The following GNG7 variants were observed in gnomAD, a reference collection of about 807,000 sequenced individuals.
The protein encoded by GNG7 is guanine nucleotide-binding protein G(I)/G(S)/G(O) subunit gamma-7.
In GNG7, 1 loss-of-function variant was observed where a neutral mutation model predicts 4.0. The observed-to-expected ratio is 0.25, with a 90% CI of 0.09 to 1.18. The LOEUF (loss-of-function observed/expected upper bound fraction) is 1.18, where lower values mean the gene tolerates loss of function less well. GNG7 is among the 50% of genes most tolerant of loss of function. GNG7 has a pLI of 0.50. For synonymous variants in GNG7, 34 were observed against 36.9 expected, an observed-to-expected ratio of 0.92 and a Z score of 0.29; for missense variants, 86 against 91.9, an observed-to-expected ratio of 0.94 and a Z score of 0.26.
chr19:2,681,171 A>G (rs932332063), intron 1 of GNG7, among the ~76,000 whole-genome samples: 1 of 149,188 alleles, frequency 6.7e-6, no homozygotes, highest in African/African-American at 2.5e-5. Flanking sequence ...TTTTTTTTGT[A>G]GCAACCAACT....
At position 2,546,740 on chromosome 19, in the gene GNG7, G is replaced by A. The variant is rs542101247; in HGVS notation, c.-38+8409C>T. Among the ~76,000 whole-genome samples, 15 of 152,334 alleles carry A rather than the reference G, an allele frequency of 9.8e-5. No homozygotes were observed. Among genetic ancestry groups the A allele is most frequent in the African/African-American group, 3.1e-4 (13 of 41,576 alleles). On this transcript the variant is annotated intron_variant, in intron 3 of 4. Transcript: ENST00000382159. The surrounding 1 kb of genome is among the most constrained non-coding windows in gnomAD (Gnocchi z 6.3). Reference sequence around the variant, plus strand: ...ACGCGCCGCCAGTGTGGGTTTGGTCGCCGCGGTGACGGGAGCAGGAGAAAA... The same window carrying A: ...ACGCGCCGCCAGTGTGGGTTTGGTCACCGCGGTGACGGGAGCAGGAGAAAA...
intron 2 of GNG7, among the ~76,000 whole-genome samples, chr19:2,564,887 TTAAAAAA>T (rs1321732621): frequency 3.4e-5 from 1 of 29,288 alleles, no homozygotes; most frequent in African/African-American, 3.1e-4. Flanking sequence ...CATTGGTCAT[TTAAAAAA>T]AAAAAAAAGA....
chr19:2,564,360 C>A (rs929335956), intron 2 of GNG7, among the ~76,000 whole-genome samples: 3 of 152,164 alleles, frequency 2.0e-5, no homozygotes, highest in East Asian at 3.9e-4. Context: ...GCGGGAGGAT[C>A]GCTTGAGGCC....
chr19:2,657,351 AAAAAAAAAAAAT>A (rs1479628623), intron 1 of GNG7, among the ~76,000 whole-genome samples: 3 of 21,874 alleles, frequency 1.4e-4, no homozygotes, highest in African/African-American at 1.9e-4. Context: ...AAAAAAAAAA[AAAAAAAAAAAAT>A]ATATATATAT....
At chr19:2,591,082 C>T (rs926997887) in intron 2 of GNG7, among the ~76,000 whole-genome samples, 10 of 152,140 alleles carry the variant, frequency 6.6e-5, no homozygotes, top group South Asian at 4.1e-4. Flanking sequence ...AAGTTGAGCA[C>T]GATATAAGTA....
chr19:2,696,916 G>A (rs1913280763), intron 1 of GNG7, among the ~76,000 whole-genome samples: 2 of 152,200 alleles, frequency 1.3e-5, no homozygotes, highest in South Asian at 4.1e-4. Context: ...CCAGGCTGGA[G>A]TGCAGTGCTC....
rs967583522 is a variant in GNG7 at position 2,538,857 on chromosome 19, G to A, written c.-38+16292C>T. On this transcript the variant is annotated intron_variant, in intron 3 of 4. Transcript: ENST00000382159. ...AATCTCAGCTCACTGCAAACTCTGC[G>A]TCCTGGGTTCAAGCCATTCTCCTGC... The A allele has an allele frequency of 1.5e-4, 40 of 265,034 alleles. No individual in the cohort carries two copies. In the East Asian group the frequency reaches 4.2e-3, roughly 28 times the overall value. The allele number at this position is 265,034 out of a possible 1,614,324, so 16.4% of individuals were successfully genotyped here. A position where few individuals can be genotyped will look rare whatever the true frequency, so the allele number is the denominator to read the frequency against.
intron 2 of GNG7, among the ~76,000 whole-genome samples, chr19:2,595,549 C>G (rs1980991695): frequency 6.6e-6 from 1 of 151,890 alleles, no homozygotes; most frequent in Admixed American, 6.6e-5. Context: ...GCCTGGGCAA[C>G]ATAGCAAAAC....
At chr19:2,583,417 C>T (rs925254571) in intron 2 of GNG7, among the ~76,000 whole-genome samples, 5 of 152,194 alleles carry the variant, frequency 3.3e-5, no homozygotes, top group African/African-American at 1.2e-4. Context: ...TTGCAGCCGT[C>T]TTCATGGGGT....
intron 2 of GNG7, among the ~76,000 whole-genome samples, chr19:2,599,131 C>G (rs947749050): frequency 6.6e-6 from 1 of 152,116 alleles, no homozygotes; most frequent in African/African-American, 2.4e-5. Flanking sequence ...GGGGTGGGGG[C>G]GTGCCGCTGG....
Position 2,513,547 on chromosome 19 carries a change from C to T in GNG7, c.*1475G>A, listed in dbSNP as rs1972685403. 2.0e-6 allele frequency: 2 copies of T among 985,568 alleles called. No homozygotes were observed. The highest frequency in any genetic ancestry group is 5.2e-4 in the Middle Eastern group (1 of 1,914). The allele number at this position is 985,568 out of a possible 1,614,324, so 61.1% of individuals were successfully genotyped here. ...GACCCCATGACATCTTCGATTTCCA[C>T]TTGCCGCTGGGAGGAGTGGCCCATC... On this transcript the variant is annotated 3_prime_UTR_variant, in exon 5 of 5. Transcript: ENST00000382159.
At chr19:2,552,281 C>A (rs188316106) in intron 3 of GNG7, among the ~76,000 whole-genome samples, 1 of 152,068 alleles carries the variant, frequency 6.6e-6, no homozygotes, top group East Asian at 1.9e-4. Context: ...CCAGACTGGG[C>A]AACAGAGAGA....
At chr19:2,660,055 C>T (rs111929038) in intron 1 of GNG7, among the ~76,000 whole-genome samples, 2,362 of 152,208 alleles carry the variant, frequency 0.016, 31 homozygotes, top group African/African-American at 0.038. Flanking sequence ...GCCATGGCGG[C>T]GAGCGGATCA....
chr19:2,595,020 T>A (rs939156341), intron 2 of GNG7: 1 of 151,926 alleles, frequency 6.6e-6, no homozygotes, highest in African/African-American at 2.4e-5. Context: ...TTTGAAAGGA[T>A]GAGGTGGGAG....
At chr19:2,675,052 T>C (rs1398898223) in intron 1 of GNG7, among the ~76,000 whole-genome samples, 1 of 152,150 alleles carries the variant, frequency 6.6e-6, no homozygotes, top group Non-Finnish European at 1.5e-5. Context: ...TTTCACACAC[T>C]CGGGACTGGT....
chr19:2,635,328 G>A (rs1220906099), intron 2 of GNG7, among the ~76,000 whole-genome samples: 1 of 152,214 alleles, frequency 6.6e-6, no homozygotes, highest in Non-Finnish European at 1.5e-5. Flanking sequence ...AAAGTCTTCA[G>A]TGCTGAATGT....
chr19:2,547,805 A>C (rs1979177718), intron 3 of GNG7, among the ~76,000 whole-genome samples: 1 of 152,214 alleles, frequency 6.6e-6, no homozygotes, highest in Non-Finnish European at 1.5e-5. Flanking sequence ...CCCAGGACAG[A>C]GGCTCCCAGG....
chr19:2,525,450 A>G (rs915307414), intron 3 of GNG7, among the ~76,000 whole-genome samples: 8 of 151,162 alleles, frequency 5.3e-5, no homozygotes, highest in African/African-American at 1.7e-4. Flanking sequence ...CGTGCAGAAA[A>G]ATCCCACTCG....
chr19:2,657,353 AAAAAAAAAATAT>A (rs1362207410), intron 1 of GNG7, among the ~76,000 whole-genome samples: 1 of 20,778 alleles, frequency 4.8e-5, no homozygotes, highest in Non-Finnish European at 1.1e-4. Context: ...AAAAAAAAAA[AAAAAAAAAATAT>A]ATATATATAT....
Sources: gnomAD v4.1 joint callset for allele counts (sites outside exome capture counted in the v4.1 genomes callset) on GRCh38, gnomAD v4.1.1 for gene constraint, Gnocchi (gnomAD v3.1) non-coding constraint, MANE v1.5 for transcripts, NCBI Gene and HGNC (gene_info 2026-07-23, HGNC 2026-07-21) for gene names.